MERTK: variants seen among roughly 807,000 people sequenced by gnomAD.
MERTK encodes tyrosine-protein kinase Mer.
In MERTK, 69 loss-of-function variants were observed where a neutral mutation model predicts 99.3. The ratio of observed to expected loss-of-function variants is 0.70; its 90% CI spans 0.57 to 0.85. The LOEUF (loss-of-function observed/expected upper bound fraction) is 0.85. Among genes scored for constraint, MERTK ranks in the 40% least tolerant of loss-of-function variants. The probability of loss-of-function intolerance (pLI) is 0.00; values close to 1 mark genes in which losing one functional copy is unlikely to be tolerated. For synonymous variants in MERTK, 426 were observed against 467.6 expected, an observed-to-expected ratio of 0.91 and a Z score of 1.15; for missense variants, 1,125 against 1,249.4, an observed-to-expected ratio of 0.90 and a Z score of 1.50.
chr2:111,909,197 T>C (rs1423515705), intron 1 of MERTK, among the ~76,000 whole-genome samples: 2 of 152,138 alleles, frequency 1.3e-5, no homozygotes, highest in Non-Finnish European at 2.9e-5. Context: ...ACAGCCACTA[T>C]TGTGGCAGGC....
intron 4 of MERTK, among the ~76,000 whole-genome samples, chr2:111,958,519 C>G (rs1685188909): frequency 6.6e-6 from 1 of 152,198 alleles, no homozygotes; most frequent in African/African-American, 2.4e-5. Context: ...CTAGTTTCCT[C>G]TTCTCTCTAC....
intron 2 of MERTK, chr2:111,940,267 G>GACT: frequency 2.4e-6 from 1 of 409,470 alleles, no homozygotes; most frequent in Non-Finnish European, 4.8e-6. Context: ...GTACTAAATA[G>GACT]ACTAAATAGG....
chr2:111,923,494 G>C (rs1684502781), intron 1 of MERTK, among the ~76,000 whole-genome samples: 1 of 152,188 alleles, frequency 6.6e-6, no homozygotes, highest in African/African-American at 2.4e-5. Context: ...CAGCTGGGCG[G>C]CTACTCTGGG....
At chr2:111,965,326 G>C in intron 5 of MERTK, 49 bp downstream of exon 5, 1 of 1,582,130 alleles carries the variant, frequency 6.3e-7, no homozygotes. Context: ...AGCTGGTGAG[G>C]GTACAGCATG....
chr2:111,993,907 G>A (rs565013106), intron 8 of MERTK, among the ~76,000 whole-genome samples: 49 of 152,316 alleles, frequency 3.2e-4, no homozygotes, highest in African/African-American at 1.2e-3. Context: ...TTGTGCTGTG[G>A]GTGGTTCTGA....
intron 1 of MERTK, among the ~76,000 whole-genome samples, chr2:111,927,061 C>T (rs1318649416): frequency 6.6e-6 from 1 of 152,136 alleles, no homozygotes; most frequent in East Asian, 1.9e-4. Context: ...CCACATAGCC[C>T]TCCCCTAAAG....
chr2:111,949,660 T>G (rs1225514869), intron 4 of MERTK, among the ~76,000 whole-genome samples: 1 of 152,180 alleles, frequency 6.6e-6, no homozygotes, highest in African/African-American at 2.4e-5. Flanking sequence ...TTTTCCTAAG[T>G]GTAGACACCC....
At chr2:112,027,661 GT>G (rs1677495773) in intron 18 of MERTK, among the ~76,000 whole-genome samples, 1 of 152,084 alleles carries the variant, frequency 6.6e-6, no homozygotes, top group Non-Finnish European at 1.5e-5. Flanking sequence ...GCCATGGCAT[GT>G]TCTGTAATGT....
At chr2:111,947,701 G>A in intron 4 of MERTK, 134 bp downstream of exon 4, 1 of 1,048,608 alleles carries the variant, frequency 9.5e-7, no homozygotes, top group Non-Finnish European at 1.4e-6. Flanking sequence ...AAAGTTATGG[G>A]ACCAGGTAGA....
rs917220392 is a variant in MERTK at position 112,028,226 on chromosome 2, T to A, written c.2487-125T>A. ...TAGGCCACCAAAAAAGTCTCAATAATTTTTATAAAAAGTAGAATGAATGCT... is the reference window on the plus strand; with the variant it reads ...TAGGCCACCAAAAAAGTCTCAATAAATTTTATAAAAAGTAGAATGAATGCT... On this transcript the variant is annotated intron_variant, in intron 18 of 18. Transcript: ENST00000295408. 5.7e-5 allele frequency: 64 copies of A among 1,114,494 alleles called. 1 individual carries two copies. The Admixed American group carries it at 1.4e-3, about 25-fold the overall frequency. The allele number at this position is 1,114,494 out of a possible 1,614,324, so 69.0% of individuals were successfully genotyped here. A position where few individuals can be genotyped will look rare whatever the true frequency, so the allele number is the denominator to read the frequency against.
intron 6 of MERTK, among the ~76,000 whole-genome samples, 166 bp downstream of exon 6, chr2:111,968,418 A>C (rs201603835): frequency 6.6e-6 from 1 of 152,298 alleles, no homozygotes; most frequent in East Asian, 1.9e-4. Flanking sequence ...TTCCATGTCC[A>C]TGCTCTGCCC....
Position 112,029,295 on chromosome 2 carries a change from T to G in MERTK, c.*431T>G. 3 of 962,358 alleles carry G rather than the reference T, an allele frequency of 3.1e-6. No homozygotes were observed. The highest frequency in any genetic ancestry group is 3.7e-6 in the Non-Finnish European group (3 of 805,428). 59.6% of individuals were successfully genotyped at this position (962,358 alleles called of 1,614,324 possible). On this transcript the variant is annotated 3_prime_UTR_variant, in exon 19 of 19. Coordinates refer to ENST00000295408, the MANE Select transcript of MERTK (RefSeq NM_006343.3). ...GTCTTGATGTATTTGATAAGAATGA[T>G]TCATTCAATGTTTAAAGTTGTATAA... is the stretch of plus-strand genomic sequence containing the variant.
At chr2:112,019,771 G>A (rs113985862) in intron 16 of MERTK, among the ~76,000 whole-genome samples, 8 of 152,272 alleles carry the variant, frequency 5.3e-5, no homozygotes, top group African/African-American at 1.4e-4. Flanking sequence ...TCTCTCACTC[G>A]GTAGGAATGC....
At chr2:112,007,204 G>C (rs1049685390) in intron 13 of MERTK, among the ~76,000 whole-genome samples, 3 of 152,000 alleles carry the variant, frequency 2.0e-5, no homozygotes, top group African/African-American at 4.8e-5. Flanking sequence ...GCCCAGGCTG[G>C]AGTGCGGTAG....
intron 15 of MERTK, chr2:112,013,472 G>A (rs1444338591): frequency 1.3e-5 from 2 of 154,312 alleles, no homozygotes; most frequent in Non-Finnish European, 2.9e-5. Flanking sequence ...ATTTCTCATG[G>A]CCTTCACGTC....
At chr2:111,934,893 T>C (rs1187630176) in intron 2 of MERTK, among the ~76,000 whole-genome samples, 1 of 152,186 alleles carries the variant, frequency 6.6e-6, no homozygotes, top group Non-Finnish European at 1.5e-5. Flanking sequence ...ATCTGGTCTT[T>C]GGTCCTAAAA....
chr2:111,987,910 C>T (rs1396025971), intron 8 of MERTK, among the ~76,000 whole-genome samples: 1 of 151,232 alleles, frequency 6.6e-6, no homozygotes, highest in African/African-American at 2.4e-5. Context: ...GTTTACTCTT[C>T]GTTTTCAAAG....
intron 2 of MERTK, among the ~76,000 whole-genome samples, chr2:111,944,488 C>CTCTGTTT (rs1684921790): frequency 3.9e-3 from 3 of 760 alleles, no homozygotes; most frequent in Admixed American, 0.016. Flanking sequence ...TTATTAATTC[C>CTCTGTTT]TAAATTATGA....
chr2:111,919,642 C>G (rs1276789402), intron 1 of MERTK, among the ~76,000 whole-genome samples: 1 of 151,704 alleles, frequency 6.6e-6, no homozygotes, highest in East Asian at 1.9e-4. Context: ...GGCAAATGCC[C>G]CAGTGAAAAA....
Sources: gnomAD v4.1 joint callset for allele counts (sites outside exome capture counted in the v4.1 genomes callset) on GRCh38, gnomAD v4.1.1 for gene constraint, MANE v1.5 for transcripts, NCBI Gene and HGNC (gene_info 2026-07-23, HGNC 2026-07-21) for gene names.